Variants in SLC16A9 observed in about 807,000 individuals in gnomAD.
The protein encoded by SLC16A9 is solute carrier family 16 member 9.
In SLC16A9, 26 loss-of-function variants were observed where a neutral mutation model predicts 44.3. The ratio of observed to expected loss-of-function variants is 0.59; its 90% CI spans 0.43 to 0.81. The LOEUF (loss-of-function observed/expected upper bound fraction) is 0.81. Among genes scored for constraint, SLC16A9 ranks in the 40% least tolerant of loss-of-function variants. The pLI, the probability that SLC16A9 is intolerant of heterozygous loss-of-function variation, is 0.00. For missense variants in SLC16A9, 559 were observed against 595.8 expected (o/e 0.94, Z 0.64); for synonymous variants, 230 against 225.1 (o/e 1.02, Z -0.19).
At chr10:59,676,662 C>T (rs2132464092) in intron 2 of SLC16A9, among the ~76,000 whole-genome samples, 1 of 152,248 alleles carries the variant, frequency 6.6e-6, no homozygotes, top group Admixed American at 6.5e-5. Context: ...GTGGCTCAAG[C>T]CTGTAATCCC....
At chr10:59,657,490 T>A (rs148986884) in intron 4 of SLC16A9, among the ~76,000 whole-genome samples, 1 of 152,366 alleles carries the variant, frequency 6.6e-6, no homozygotes, top group East Asian at 1.9e-4. Context: ...GGGTTCATAC[T>A]TCTCCCTAAT....
chr10:59,680,110 T>C (rs1395932986), intron 2 of SLC16A9, among the ~76,000 whole-genome samples: 1 of 152,170 alleles, frequency 6.6e-6, no homozygotes, highest in Non-Finnish European at 1.5e-5. Context: ...GAGGATGAGC[T>C]CATTCACAAT....
chr10:59,679,172 CACTTGGGTAGTGTGAGAA>C (rs2307928), intron 2 of SLC16A9, among the ~76,000 whole-genome samples: 86,528 of 151,862 alleles, frequency 0.57, 25,239 homozygotes, highest in East Asian at 0.81. Flanking sequence ...GCTGTTTCAG[CACTTGGGTAGTGTGAGAA>C]ACAGAACCAC....
intron 1 of SLC16A9, among the ~76,000 whole-genome samples, chr10:59,701,871 C>G (rs1247751322): frequency 6.6e-6 from 1 of 152,206 alleles, no homozygotes; most frequent in African/African-American, 2.4e-5. Flanking sequence ...CAAACTGTTT[C>G]TCTCATCTTG....
chr10:59,709,200 T>A (rs1840710595), intron 1 of SLC16A9, among the ~76,000 whole-genome samples: 1 of 151,568 alleles, frequency 6.6e-6, no homozygotes, highest in Non-Finnish European at 1.5e-5. Context: ...CAGGACCCCC[T>A]CCCTCTCTTT....
At chr10:59,679,503 G>A (rs777165616) in intron 2 of SLC16A9, among the ~76,000 whole-genome samples, 7 of 152,150 alleles carry the variant, frequency 4.6e-5, no homozygotes, top group Non-Finnish European at 1.0e-4. Flanking sequence ...GGGATAGGCT[G>A]CAGCTACAAT....
intron 1 of SLC16A9, among the ~76,000 whole-genome samples, chr10:59,684,533 A>AT (rs994723580): frequency 2.0e-5 from 3 of 152,116 alleles, no homozygotes; most frequent in South Asian, 2.1e-4. Flanking sequence ...ACATGGTACA[A>AT]TTTTTTTTAA....
chr10:59,653,443 A>AAAAAAAAAAAAAAAAAAAAAAAAC, intron 5 of SLC16A9, among the ~76,000 whole-genome samples: 1 of 149,350 alleles, frequency 6.7e-6, no homozygotes, highest in Non-Finnish European at 1.5e-5. Context: ...AAAAAAAAAA[A>AAAAAAAAAAAAAAAAAAAAAAAAC]AAGCAGGCAT....
In SLC16A9 at chr10:59,654,531, A is replaced by G. The variant is rs1839304192; in HGVS notation, c.495T>C (p.Tyr165=). 3.1e-6 allele frequency: 5 copies of G among 1,608,020 alleles called. No homozygotes were observed. The highest frequency in any genetic ancestry group is 2.2e-5 in the East Asian group (1 of 44,874). ...CAATCAGCAAGCATCCATCCAGTCCATAGAACTCAACCAGCATCCTCTGCA... is the reference window on the plus strand; with the variant it reads ...CAATCAGCAAGCATCCATCCAGTCCGTAGAACTCAACCAGCATCCTCTGCA... ...AALQRMLVEF[Y]GLDGCLLIVG... The change falls in exon 5 of 6, where the codon TAT becomes TAC. Residue 165 remains tyrosine, a synonymous_variant. Transcript: ENST00000395348.
chr10:59,654,583 C>T lies in SLC16A9; in HGVS notation c.443G>A (p.Ser148Asn). 6.4e-7 allele frequency: 1 copy of T among 1,571,264 alleles called. No homozygotes were observed. The highest frequency in any genetic ancestry group is 1.2e-5 in the South Asian group (1 of 85,788). The stretch of plus-strand genomic sequence containing the variant: ...AGCAGCATATATGAAAAGGCCAACG[C>T]TTGAACCTAAAAAGGGAATGGGAAC... The part of the protein sequence containing the change: ...LALGLISTGS[S>N]VGLFIYAALQ... The change falls in exon 5 of 6, where the codon AGC (serine) becomes AAC (asparagine). Residue 148 changes from serine (S) to asparagine (N), a missense_variant. Physicochemically the swap from Ser to Asn is conservative, Grantham distance 46 (BLOSUM62 1). Transcript: ENST00000395348.
intron 4 of SLC16A9, among the ~76,000 whole-genome samples, chr10:59,661,408 G>A (rs773356551): frequency 2.0e-5 from 3 of 152,114 alleles, no homozygotes; most frequent in Non-Finnish European, 2.9e-5. Flanking sequence ...ATGCTACATA[G>A]AGAATAAAAT....
intron 4 of SLC16A9, among the ~76,000 whole-genome samples, chr10:59,662,963 A>G (rs1056312430): frequency 2.0e-5 from 3 of 152,206 alleles, no homozygotes; most frequent in African/African-American, 4.8e-5. Flanking sequence ...TCATTCTACT[A>G]TAAAGACACA....
At chr10:59,707,843 A>G (rs959089025) in intron 1 of SLC16A9, among the ~76,000 whole-genome samples, 3 of 152,218 alleles carry the variant, frequency 2.0e-5, no homozygotes, top group South Asian at 2.1e-4. Flanking sequence ...CCAGACCACC[A>G]TAATGTGTCC....
At chr10:59,687,139 A>C (rs555459836) in intron 1 of SLC16A9, among the ~76,000 whole-genome samples, 1 of 152,342 alleles carries the variant, frequency 6.6e-6, no homozygotes, top group South Asian at 2.1e-4. Context: ...CCCTGACCTC[A>C]GGTGTTTCAC....
At chr10:59,707,971 C>T (rs955306215) in intron 1 of SLC16A9, among the ~76,000 whole-genome samples, 1 of 152,188 alleles carries the variant, frequency 6.6e-6, no homozygotes, top group African/African-American at 2.4e-5. Flanking sequence ...CCTCCCAATG[C>T]TCTTCCTATG....
At chr10:59,693,901 G>A (rs111924489) in intron 1 of SLC16A9, among the ~76,000 whole-genome samples, 3,461 of 150,540 alleles carry the variant, frequency 0.023, 130 homozygotes, top group African/African-American at 0.08. Context: ...ACAGGCGTGA[G>A]CCACTGCACC....
chr10:59,673,056 T>C (rs985192909), intron 2 of SLC16A9, 143 bp from the exon 3 acceptor site: 1 of 686,778 alleles, frequency 1.5e-6, no homozygotes, highest in Admixed American at 3.4e-5. Context: ...GCAGTTCACA[T>C]GAACAATCTC....
Position 59,652,656 on chromosome 10 carries a change from T to A in SLC16A9, c.*116A>T, listed in dbSNP as rs1397419013. 2 of 863,950 alleles carry A rather than the reference T, an allele frequency of 2.3e-6. No individual in the cohort carries two copies. Among genetic ancestry groups the A allele is most frequent in the Non-Finnish European group, 3.5e-6 (2 of 574,176 alleles). The allele number at this position is 863,950 out of a possible 1,614,324, so 53.5% of individuals were successfully genotyped here. A position where few individuals can be genotyped will look rare whatever the true frequency, so the allele number is the denominator to read the frequency against. Reference sequence around the variant, plus strand: ...AAATAATTCATTCAGAGTCAGTCATTGTGAAATTTTGCTATGAGAAAATAG... The same window carrying A: ...AAATAATTCATTCAGAGTCAGTCATAGTGAAATTTTGCTATGAGAAAATAG... On this transcript the variant is annotated 3_prime_UTR_variant, in exon 6 of 6. Coordinates refer to ENST00000395348, the MANE Select transcript of SLC16A9 (RefSeq NM_194298.3).
At chr10:59,690,539 G>C (rs1840230541) in intron 1 of SLC16A9, among the ~76,000 whole-genome samples, 1 of 152,158 alleles carries the variant, frequency 6.6e-6, no homozygotes, top group Admixed American at 6.5e-5. Context: ...TTCATAGAAG[G>C]GCGGCCAAGG....
Sources: allele counts gnomAD v4.1 joint callset (sites outside exome capture counted in the v4.1 genomes callset), GRCh38; gene constraint gnomAD v4.1.1; transcripts MANE v1.5; gene names NCBI Gene and HGNC (gene_info 2026-07-23, HGNC 2026-07-21).